Variants in SNX14 observed in about 807,000 individuals in gnomAD.
The protein encoded by SNX14 is sorting nexin-14.
Under a neutral mutation model 133.8 loss-of-function variants are expected in SNX14, and 93 were observed. That is an observed-to-expected ratio of 0.70 (90% confidence interval 0.59 to 0.83). The LOEUF (loss-of-function observed/expected upper bound fraction) is 0.83. Among genes scored for constraint, SNX14 ranks in the 40% least tolerant of loss-of-function variants. The probability of loss-of-function intolerance (pLI) is 0.00; values close to 1 mark genes in which losing one functional copy is unlikely to be tolerated. For missense variants in SNX14, 945 were observed against 1,094.9 expected (o/e 0.86, Z 1.93); for synonymous variants, 368 against 365.6 (o/e 1.01, Z -0.07).
At position 85,522,714 on chromosome 6, in the gene SNX14, A is replaced by G. The variant is rs138582711; in HGVS notation, c.2107+3412T>C. The stretch of plus-strand genomic sequence containing the variant: ...GATTAGGTTTCATTGTTTAAAATCT[A>G]TCAGTGTCTCTTTCCCCCTGCTTAG... On this transcript the variant is annotated intron_variant, in intron 21 of 28. Coordinates refer to ENST00000314673, the MANE Select transcript of SNX14 (RefSeq NM_153816.6). Among the ~76,000 whole-genome samples the G allele has an allele frequency of 1.6e-3, 244 of 152,290 alleles. 2 individuals are homozygous for G. Among genetic ancestry groups the G allele is most frequent in the African/African-American group, 5.8e-3 (239 of 41,556 alleles).
chr6:85,593,722 C>T lies in SNX14; in HGVS notation c.-4G>A, dbSNP rs1229437644. On this transcript the variant is annotated 5_prime_UTR_variant, in exon 1 of 29. Transcript: ENST00000314673. ...TCGTCCGCACCCAGGGCACCATCTC[C>T]GTAACGGCGAGGCCGAGACTGCGCT... 6.2e-7 allele frequency: 1 copy of T among 1,613,506 alleles called. No homozygotes were observed. The highest frequency in any genetic ancestry group is 1.1e-5 in the South Asian group (1 of 91,062).
intron 28 of SNX14, among the ~76,000 whole-genome samples, chr6:85,506,946 T>C (rs979559488): frequency 1.3e-5 from 2 of 152,164 alleles, no homozygotes. Flanking sequence ...CCTATTCTAG[T>C]GCTAGGACTT....
intron 26 of SNX14, among the ~76,000 whole-genome samples, chr6:85,509,891 T>C (rs1029129770): frequency 2.0e-5 from 3 of 152,198 alleles, no homozygotes; most frequent in African/African-American, 7.2e-5. Flanking sequence ...GTTGAAAATA[T>C]ACAGTATGCA....
chr6:85,537,135 G>T, intron 16 of SNX14: 2 of 394,552 alleles, frequency 5.1e-6, no homozygotes. Flanking sequence ...AAATTTGGTG[G>T]ATGAATAAAT....
intron 1 of SNX14, among the ~76,000 whole-genome samples, chr6:85,579,696 C>T (rs907241308): frequency 1.3e-5 from 2 of 152,198 alleles, no homozygotes; most frequent in Admixed American, 6.5e-5. Flanking sequence ...GTCATTTACA[C>T]ATGTCCTGGC....
intron 4 of SNX14, chr6:85,568,488 A>G (rs1794606940): frequency 6.6e-6 from 1 of 152,228 alleles, no homozygotes; most frequent in South Asian, 2.1e-4. Flanking sequence ...TTACCTGTAC[A>G]CTCAAATCAG....
intron 5 of SNX14, 89 bp from the exon 6 acceptor site, chr6:85,565,508 G>T: frequency 1.2e-6 from 1 of 820,184 alleles, no homozygotes; most frequent in South Asian, 1.8e-5. Context: ...CCTTTTTTCT[G>T]TTTACTTAAG....
chr6:85,572,623 A>G (rs1796011528), intron 2 of SNX14, among the ~76,000 whole-genome samples: 3 of 152,198 alleles, frequency 2.0e-5, no homozygotes, highest in African/African-American at 7.2e-5. Context: ...GTTAAAATCA[A>G]TTGTTATGAT....
chr6:85,576,865 T>G (rs1797504815), intron 1 of SNX14, among the ~76,000 whole-genome samples: 1 of 152,118 alleles, frequency 6.6e-6, no homozygotes, highest in Non-Finnish European at 1.5e-5. Context: ...AATTAAGAGA[T>G]TTAAGAAGAT....
intron 1 of SNX14, among the ~76,000 whole-genome samples, chr6:85,575,443 C>G (rs1222129723): frequency 6.6e-6 from 1 of 152,206 alleles, no homozygotes; most frequent in Non-Finnish European, 1.5e-5. Flanking sequence ...TGACTGGTCA[C>G]TCACTGCACA....
At chr6:85,537,102 A>C (rs1456324832) in intron 16 of SNX14, 178 bp from the exon 17 acceptor site, 3 of 481,612 alleles carry the variant, frequency 6.2e-6, no homozygotes, top group African/African-American at 5.9e-5. Context: ...CAGAAGTCAA[A>C]AATGACACAG....
At chr6:85,548,186 CACA>C in intron 9 of SNX14, 112 bp downstream of exon 9, 1 of 723,240 alleles carries the variant, frequency 1.4e-6, no homozygotes, top group South Asian at 1.8e-5. Flanking sequence ...GGGATGGTTG[CACA>C]ACAATATGAA....
chr6:85,574,962 G>A (rs62443354), intron 1 of SNX14, among the ~76,000 whole-genome samples: 4,607 of 152,264 alleles, frequency 0.03, 113 homozygotes, highest in Non-Finnish European at 0.046. Flanking sequence ...AGTTTTTTCA[G>A]AGAAAGCAAT....
Position 85,528,345 on chromosome 6 carries a change from G to T in SNX14, c.1912C>A (p.Gln638Lys). The change falls in exon 20 of 29, where the codon CAG (glutamine) becomes AAG (lysine). Residue 638 changes from glutamine (Q) to lysine (K), a missense_variant. Coordinates refer to ENST00000314673, the MANE Select transcript of SNX14 (RefSeq NM_153816.6). ...CCAATGATCCTCTTAGAAGGAAGCT[G>T]GGCATCAGGAAATGCACCTGAAATT... ...TEFHGAFPDA[Q>K]LPSKRIIGPK... is the part of the protein sequence containing the mutation. The T allele has an allele frequency of 6.2e-7, 1 of 1,612,426 alleles. No homozygotes were observed. Among genetic ancestry groups the T allele is most frequent in the South Asian group, 1.1e-5 (1 of 90,780 alleles).
intron 21 of SNX14, among the ~76,000 whole-genome samples, chr6:85,523,461 G>A (rs1252345654): frequency 6.6e-6 from 1 of 152,136 alleles, no homozygotes; most frequent in Non-Finnish European, 1.5e-5. Context: ...TAGGAAAAAC[G>A]TACAGAATCT....
intron 7 of SNX14, among the ~76,000 whole-genome samples, chr6:85,554,797 T>TTATA (rs916343848): frequency 1.3e-5 from 2 of 152,046 alleles, no homozygotes; most frequent in Non-Finnish European, 2.9e-5. Flanking sequence ...TCAAATTTGT[T>TTATA]TATATATATA....
intron 9 of SNX14, 84 bp from the exon 10 acceptor site, chr6:85,547,634 T>C: frequency 8.5e-7 from 1 of 1,172,280 alleles, no homozygotes; most frequent in Non-Finnish European, 1.2e-6. Flanking sequence ...TCATATTATG[T>C]AAGTTTCTAG....
intron 21 of SNX14, among the ~76,000 whole-genome samples, 189 bp from the exon 22 acceptor site, chr6:85,518,237 G>C (rs954003361): frequency 2.0e-4 from 31 of 152,112 alleles, no homozygotes; most frequent in African/African-American, 7.2e-4. Flanking sequence ...TTTATAGATA[G>C]AATATTTGGG....
chr6:85,524,113 C>A (rs894243115), intron 21 of SNX14, among the ~76,000 whole-genome samples: 1 of 151,772 alleles, frequency 6.6e-6, no homozygotes, highest in Non-Finnish European at 1.5e-5. Context: ...ACCCGGGAGG[C>A]GGAGGTTGCA....
Sources: gnomAD v4.1 joint callset for allele counts (sites outside exome capture counted in the v4.1 genomes callset) on GRCh38, gnomAD v4.1.1 for gene constraint, MANE v1.5 for transcripts, NCBI Gene and HGNC (gene_info 2026-07-23, HGNC 2026-07-21) for gene names.